GAN: variants seen among roughly 807,000 people sequenced by gnomAD.
GAN encodes gigaxonin.
GAN carries 48 observed loss-of-function variants against 71.3 expected under a neutral mutation model. That is an observed-to-expected ratio of 0.67 (90% confidence interval 0.53 to 0.86). The LOEUF (loss-of-function observed/expected upper bound fraction) is 0.86. GAN is among the 40% of genes least tolerant of loss of function. The pLI, the probability that GAN is intolerant of heterozygous loss-of-function variation, is 0.00. For synonymous variants in GAN, 386 were observed against 276.8 expected, an observed-to-expected ratio of 1.39 and a Z score of -3.92; for missense variants, 928 against 770.1, an observed-to-expected ratio of 1.21 and a Z score of -2.43.
chr16:81,368,944 C>T (rs1910949862), intron 9 of GAN, among the ~76,000 whole-genome samples: 1 of 152,192 alleles, frequency 6.6e-6, no homozygotes, highest in Non-Finnish European at 1.5e-5. Flanking sequence ...TTCTTAGCCA[C>T]CTACTCAGGG....
intron 1 of GAN, among the ~76,000 whole-genome samples, chr16:81,330,915 GAAATT>G (rs1002226462): frequency 1.3e-5 from 2 of 152,224 alleles, no homozygotes; most frequent in African/African-American, 4.8e-5. Flanking sequence ...GGAATTATAA[GAAATT>G]AAACAGGCAG....
intron 1 of GAN, among the ~76,000 whole-genome samples, chr16:81,328,827 G>A (rs1034647410): frequency 1.3e-5 from 2 of 152,110 alleles, no homozygotes; most frequent in African/African-American, 4.8e-5. Flanking sequence ...CTTTTTCTCT[G>A]AAGGGTTAGA....
At chr16:81,348,698 C>T (rs563227308) in intron 1 of GAN, among the ~76,000 whole-genome samples, 25 of 152,320 alleles carry the variant, frequency 1.6e-4, no homozygotes, top group Admixed American at 1.3e-4. Flanking sequence ...AGTACAGCTT[C>T]AAAATGTGCA....
chr16:81,318,817 C>T (rs781680545), intron 1 of GAN, among the ~76,000 whole-genome samples: 89 of 152,204 alleles, frequency 5.8e-4, no homozygotes, highest in Non-Finnish European at 1.1e-3. Flanking sequence ...AGAGGACTGG[C>T]ATCCCCGGGT....
At position 81,356,597 on chromosome 16, in the gene GAN, T is replaced by C. The variant is rs534285396; in HGVS notation, c.634-188T>C. ...TTTTTAAAAATTAAACTTTTACTTA[T>C]CAAGACTCTGGGAAGTAGACAGTTA... On this transcript the variant is annotated intron_variant, in intron 3 of 10. Transcript: ENST00000648994. 1.4e-4 allele frequency among the ~76,000 whole-genome samples: 21 copies of C among 152,310 alleles called. No homozygotes were observed. In the South Asian group the frequency reaches 4.3e-3, roughly 32 times the overall value.
intron 1 of GAN, among the ~76,000 whole-genome samples, chr16:81,318,946 C>G (rs1196725282): frequency 6.6e-6 from 1 of 151,628 alleles, no homozygotes; most frequent in African/African-American, 2.4e-5. Flanking sequence ...CCAGCATGCT[C>G]CTTTCCCAAA....
chr16:81,363,247 T>C (rs567139562), intron 6 of GAN, among the ~76,000 whole-genome samples: 1 of 152,052 alleles, frequency 6.6e-6, no homozygotes, highest in East Asian at 2.0e-4. Context: ...AATAATTGTA[T>C]TGAACCAGAG....
chr16:81,353,617 C>A (rs570990816), intron 2 of GAN, among the ~76,000 whole-genome samples: 1 of 152,274 alleles, frequency 6.6e-6, no homozygotes, highest in Admixed American at 6.5e-5. Flanking sequence ...GTCTCCCTTG[C>A]ATTTGCGAAT....
At position 81,320,078 on chromosome 16, in the gene GAN, A is replaced by G. The variant is rs141042762; in HGVS notation, c.167+4798A>G. Reference sequence around the variant, plus strand: ...CAGGCCTGTAGAGTTGTATCACAACAATCATTTATTTTATGCTGTTAATCT... The same window carrying G: ...CAGGCCTGTAGAGTTGTATCACAACGATCATTTATTTTATGCTGTTAATCT... On this transcript the variant is annotated intron_variant, in intron 1 of 10. Coordinates refer to ENST00000648994, the MANE Select transcript of GAN (RefSeq NM_022041.4). Among the ~76,000 whole-genome samples the G allele has an allele frequency of 7.9e-5, 12 of 152,326 alleles. No homozygotes were observed. In the East Asian group the frequency reaches 2.3e-3, roughly 29 times the overall value.
In GAN at chr16:81,383,075, G is replaced by GGCATGA. The variant is rs1904314215; in HGVS notation, c.*5482_*5487dup. 6.6e-6 allele frequency: 1 copy of GGCATGA among 152,018 alleles called. No homozygotes were observed. The highest frequency in any genetic ancestry group is 2.4e-5 in the African/African-American group (1 of 41,404). The allele number at this position is 152,018 out of a possible 1,614,324, so 9.4% of individuals were successfully genotyped here. The stretch of plus-strand genomic sequence containing the variant: ...ATGTGGAGACCCAGCTGGGACTACA[G>GGCATGA]GCATGAGCCACCACGCTCCGTAGAA... On this transcript the variant is annotated 3_prime_UTR_variant, in exon 11 of 11. Coordinates refer to ENST00000648994, the MANE Select transcript of GAN (RefSeq NM_022041.4).
intron 2 of GAN, among the ~76,000 whole-genome samples, chr16:81,352,357 G>A (rs757847713): frequency 4.6e-5 from 7 of 152,080 alleles, no homozygotes; most frequent in Non-Finnish European, 1.0e-4. Flanking sequence ...GCCCTCCTCC[G>A]ACTACCCATT....
At position 81,386,016 on chromosome 16, in the gene GAN, G is replaced by A. The variant is rs1016075521; in HGVS notation, c.*8420G>A. The stretch of plus-strand genomic sequence containing the variant: ...TCCGCCTGCCTCAACCTCCCAAAGT[G>A]CTGGGATTACAGGTGTGAGCATCCA... On this transcript the variant is annotated 3_prime_UTR_variant, in exon 11 of 11. Coordinates refer to ENST00000648994, the MANE Select transcript of GAN (RefSeq NM_022041.4). 1 of 152,120 alleles carries A rather than the reference G, an allele frequency of 6.6e-6. No individual in the cohort carries two copies. Among genetic ancestry groups the A allele is most frequent in the South Asian group, 2.1e-4 (1 of 4,824 alleles). 9.4% of individuals were successfully genotyped at this position (152,120 alleles called of 1,614,324 possible).
chr16:81,332,161 CAA>C (rs397855942), intron 1 of GAN, among the ~76,000 whole-genome samples: 13 of 60,586 alleles, frequency 2.1e-4, no homozygotes, highest in Non-Finnish European at 2.1e-4. Flanking sequence ...AAATCTGTCT[CAA>C]AAAAAAAAAA....
At chr16:81,367,887 A>G (rs528022154) in intron 9 of GAN, among the ~76,000 whole-genome samples, 20 of 152,346 alleles carry the variant, frequency 1.3e-4, no homozygotes, top group African/African-American at 4.8e-4. Context: ...TGACTTAAAA[A>G]TATAGGCTTT....
At chr16:81,356,695 T>C in intron 3 of GAN, 90 bp from the exon 4 acceptor site, 2 of 914,886 alleles carry the variant, frequency 2.2e-6, no homozygotes, top group South Asian at 2.6e-5. Flanking sequence ...GTTAACAGTT[T>C]GTTTTCCATG....
In GAN at chr16:81,377,453, A is replaced by G. The variant is rs1337970328; in HGVS notation, c.1651A>G (p.Thr551Ala). 6.2e-7 allele frequency: 1 copy of G among 1,614,196 alleles called. No individual in the cohort carries two copies. The highest frequency in any genetic ancestry group is 8.5e-7 in the Non-Finnish European group (1 of 1,180,006). The change falls in exon 11 of 11, where the codon ACA (threonine) becomes GCA (alanine). Residue 551 changes from threonine (T) to alanine (A), a missense_variant. Thr to Ala is a moderately conservative substitution (Grantham distance 58). Coordinates refer to ENST00000648994, the MANE Select transcript of GAN (RefSeq NM_022041.4). ...CTACGTGCGTGAGTTTAAAAGAAGC[A>G]CAGGAACCTGGCACCACACTAAACC... ...YDYVREFKRS[T>A]GTWHHTKPLL... is the part of the protein sequence containing the mutation.
intron 1 of GAN, among the ~76,000 whole-genome samples, chr16:81,333,316 C>A (rs949889879): frequency 1.3e-5 from 2 of 151,574 alleles, no homozygotes; most frequent in Admixed American, 6.6e-5. Flanking sequence ...GTTGTGGGAG[C>A]AACACTTTGA....
rs113065400 is a variant in GAN, at chr16:81,382,888, A to G, written c.*5292A>G. On this transcript the variant is annotated 3_prime_UTR_variant, in exon 11 of 11. Transcript: ENST00000648994. ...TTGTCTCATTGTAATAGTTCCATTT[A>G]TGTGACATCTGAGGAATTAAATCAT... 2 of 152,328 alleles carry G rather than the reference A, an allele frequency of 1.3e-5. No individual in the cohort carries two copies. The highest frequency in any genetic ancestry group is 2.4e-5 in the African/African-American group (1 of 41,584). The allele number at this position is 152,328 out of a possible 1,614,324, so 9.4% of individuals were successfully genotyped here.
chr16:81,365,485 A>G lies in GAN; in HGVS notation c.1502+7A>G, dbSNP rs772129535. The G allele has an allele frequency of 1.2e-6, 2 of 1,613,130 alleles. No individual in the cohort carries two copies. Among genetic ancestry groups the G allele is most frequent in the Admixed American group, 1.7e-5 (1 of 59,924 alleles). ...ACCATGATGAGTTTAAAAGGTAACT[A>G]AGAATGGTTTCACATAGCTACTGCA... On this transcript the variant is annotated splice_region_variant and intron_variant, in intron 9 of 10. Coordinates refer to ENST00000648994, the MANE Select transcript of GAN (RefSeq NM_022041.4).
Sources: gnomAD v4.1 joint callset for allele counts (sites outside exome capture counted in the v4.1 genomes callset) on GRCh38, gnomAD v4.1.1 for gene constraint, MANE v1.5 for transcripts, NCBI Gene and HGNC (gene_info 2026-07-23, HGNC 2026-07-21) for gene names.